Variants in NAV3 observed in about 807,000 individuals in gnomAD.
NAV3 encodes the protein pore membrane and/or filament interacting like protein 1.
Under a neutral mutation model 244.7 loss-of-function variants are expected in NAV3, and 87 were observed. The observed-to-expected ratio is 0.36, with a 90% CI of 0.30 to 0.42. The LOEUF (loss-of-function observed/expected upper bound fraction) is 0.42. Ranked by LOEUF, NAV3 falls within the 20% of genes least tolerant of loss-of-function variation. The pLI is 1.00. For missense variants in NAV3, 2,663 were observed against 2,893.3 expected, an observed-to-expected ratio of 0.92 and a Z score of 1.83; for synonymous variants, 1,126 against 1,042.2, an observed-to-expected ratio of 1.08 and a Z score of -1.55.
intron 3 of NAV3, chr12:77,947,454 C>T (rs1890465906): frequency 6.8e-6 from 1 of 147,894 alleles, no homozygotes; most frequent in Non-Finnish European, 1.5e-5. Context: ...AGGTTCTTAA[C>T]CAAATAGGGA....
chr12:77,974,292 T>C (rs958205680), intron 5 of NAV3, among the ~76,000 whole-genome samples: 1 of 151,986 alleles, frequency 6.6e-6, no homozygotes, highest in Non-Finnish European at 1.5e-5. Context: ...TTTGTTTTGT[T>C]TTGTTTTGAG....
chr12:77,804,315 T>C (rs12367755), intron 2 of NAV3, among the ~76,000 whole-genome samples: 52,100 of 152,068 alleles, frequency 0.34, 10,300 homozygotes, highest in East Asian at 0.47. Context: ...CATCTTGAGT[T>C]AATTTTGTAT....
At chr12:77,989,932 C>A (rs1310899895) in intron 5 of NAV3, among the ~76,000 whole-genome samples, 1 of 152,090 alleles carries the variant, frequency 6.6e-6, no homozygotes, top group African/African-American at 2.4e-5. Flanking sequence ...TAAGCATTAT[C>A]ACCTCACAAT....
intron 7 of NAV3, among the ~76,000 whole-genome samples, chr12:78,004,987 T>C (rs1191380541): frequency 6.6e-6 from 1 of 152,194 alleles, no homozygotes; most frequent in African/African-American, 2.4e-5. Context: ...TATAGCAGTC[T>C]TCTAGCTAAT....
intron 2 of NAV3, among the ~76,000 whole-genome samples, chr12:77,655,403 A>T (rs1873047109): frequency 6.6e-6 from 1 of 152,206 alleles, no homozygotes; most frequent in African/African-American, 2.4e-5. Flanking sequence ...GGAAGTTTAG[A>T]GAAAAAAGAA....
chr12:77,879,283 C>T (rs1240083140), intron 1 of NAV3, among the ~76,000 whole-genome samples: 4 of 152,114 alleles, frequency 2.6e-5, no homozygotes, highest in African/African-American at 9.7e-5. Context: ...TCTTTACACA[C>T]TACAAGATTT....
chr12:77,869,912 C>T (rs770155), intron 1 of NAV3, among the ~76,000 whole-genome samples: 16,853 of 152,002 alleles, frequency 0.11, 1,118 homozygotes, highest in East Asian at 0.19. Flanking sequence ...TAATGCATGA[C>T]GCATATGTTC....
chr12:78,093,602 A>C (rs1954077857), intron 12 of NAV3, among the ~76,000 whole-genome samples: 1 of 152,090 alleles, frequency 6.6e-6, no homozygotes, highest in Non-Finnish European at 1.5e-5. Flanking sequence ...GAGACTATAA[A>C]CCCTCTGTTT....
At chr12:78,065,154 G>A (rs1884857852) in intron 12 of NAV3, among the ~76,000 whole-genome samples, 1 of 151,986 alleles carries the variant, frequency 6.6e-6, no homozygotes, top group Non-Finnish European at 1.5e-5. Flanking sequence ...TAGAGCTGGT[G>A]ATGATACCAC....
intron 2 of NAV3, among the ~76,000 whole-genome samples, chr12:77,728,926 T>G (rs1877003009): frequency 6.6e-6 from 1 of 151,926 alleles, no homozygotes; most frequent in Non-Finnish European, 1.5e-5. Flanking sequence ...CTCAGCCTAC[T>G]CAGCATGAAG....
chr12:78,072,148 A>G (rs918567117), intron 12 of NAV3, among the ~76,000 whole-genome samples: 20 of 150,168 alleles, frequency 1.3e-4, no homozygotes, highest in African/African-American at 4.4e-4. Context: ...GAGCAAACAC[A>G]TTCAAAAGCT....
chr12:77,744,157 A>T (rs895073929), intron 2 of NAV3, among the ~76,000 whole-genome samples: 8 of 152,002 alleles, frequency 5.3e-5, no homozygotes, highest in African/African-American at 1.9e-4. Context: ...TCCATACATT[A>T]TCTGATTGAG....
At chr12:77,874,851 A>G (rs1881615490) in intron 1 of NAV3, among the ~76,000 whole-genome samples, 2 of 148,662 alleles carry the variant, frequency 1.3e-5, no homozygotes, top group African/African-American at 5.1e-5. Context: ...GATCAATAAA[A>G]TATTATTTTA....
intron 2 of NAV3, among the ~76,000 whole-genome samples, chr12:77,806,837 A>C (rs144007077): frequency 2.0e-5 from 3 of 152,288 alleles, no homozygotes; most frequent in African/African-American, 7.2e-5. Context: ...TTACTTTATG[A>C]ATCTGGGTGC....
chr12:77,708,310 A>G (rs927198755), intron 2 of NAV3, among the ~76,000 whole-genome samples: 26 of 152,364 alleles, frequency 1.7e-4, no homozygotes, highest in Admixed American at 1.2e-3. Context: ...TTTATTAAAT[A>G]GGGAATCCTT....
intron 9 of NAV3, among the ~76,000 whole-genome samples, chr12:78,025,821 GC>G (rs1480584962): frequency 6.6e-6 from 1 of 152,004 alleles, no homozygotes; most frequent in Non-Finnish European, 1.5e-5. Context: ...TATGATCTCT[GC>G]ACAACAGCTC....
At position 77,855,226 on chromosome 12, in the gene NAV3, A is replaced by G. The variant is rs1878211173; in HGVS notation, c.243+23522A>G. Among the ~76,000 whole-genome samples the G allele has an allele frequency of 2.0e-5, 3 of 152,350 alleles. 1 individual carries two copies. Among genetic ancestry groups the G allele is most frequent in the Middle Eastern group, 6.8e-3 (2 of 294 alleles). On this transcript the variant is annotated intron_variant, in intron 1 of 39. Coordinates refer to ENST00000397909, the MANE Select transcript of NAV3 (RefSeq NM_001024383.2). ...ATCTTTTAATCAACATTTAAAAATT[A>G]TAATTGTCTAAATATTTATACAGTT...
intron 9 of NAV3, among the ~76,000 whole-genome samples, chr12:78,040,339 T>A (rs1298376011): frequency 1.3e-5 from 2 of 152,096 alleles, no homozygotes; most frequent in South Asian, 4.1e-4. Context: ...TAAGTGAATG[T>A]CATGATGAAA....
chr12:77,963,733 A>G (rs986607664), intron 3 of NAV3, among the ~76,000 whole-genome samples: 1 of 152,206 alleles, frequency 6.6e-6, no homozygotes, highest in African/African-American at 2.4e-5. Flanking sequence ...ATGAATGACT[A>G]TAAAAGAATA....
Sources: allele counts gnomAD v4.1 joint callset (sites outside exome capture counted in the v4.1 genomes callset), GRCh38; gene constraint gnomAD v4.1.1; transcripts MANE v1.5; gene names NCBI Gene and HGNC (gene_info 2026-07-23, HGNC 2026-07-21).